The following PDE4D variants were observed in gnomAD, a reference collection of about 807,000 sequenced individuals.
PDE4D encodes the protein 3',5'-cyclic-AMP phosphodiesterase 4D.
Under a neutral mutation model 87.4 loss-of-function variants are expected in PDE4D, and 24 were observed. The ratio of observed to expected loss-of-function variants is 0.27; its 90% CI spans 0.20 to 0.39. PDE4D has a LOEUF of 0.39. Ranked by LOEUF, PDE4D falls within the 10% of genes least tolerant of loss-of-function variation. The pLI is 1.00. For synonymous variants in PDE4D, 384 were observed against 383.2 expected, an observed-to-expected ratio of 1.00 and a Z score of -0.02; for missense variants, 714 against 1,041.0, an observed-to-expected ratio of 0.69 and a Z score of 4.32.
At chr5:59,800,582 A>G (rs987103722) in intron 1 of PDE4D, among the ~76,000 whole-genome samples, 3 of 152,166 alleles carry the variant, frequency 2.0e-5, no homozygotes, top group African/African-American at 7.2e-5. Flanking sequence ...AAATACAATC[A>G]GTATGAGGAC....
chr5:59,881,566 G>C (rs182453410), intron 1 of PDE4D, among the ~76,000 whole-genome samples: 6 of 152,066 alleles, frequency 3.9e-5, no homozygotes, highest in African/African-American at 1.2e-4. Flanking sequence ...CATGGTAAAG[G>C]TTGTCTGAAT....
chr5:60,152,070 C>T (rs959204368), intron 2 of PDE4D, among the ~76,000 whole-genome samples: 1 of 152,148 alleles, frequency 6.6e-6, no homozygotes, highest in Non-Finnish European at 1.5e-5. Context: ...GCATGCTGAA[C>T]CATCTTTGCA....
Position 60,316,640 on chromosome 5 carries a change from T to G in PDE4D, c.-89-130953A>C, listed in dbSNP as rs546767296. On this transcript the variant is annotated intron_variant, in intron 1 of 16. Coordinates refer to the PDE4D transcript ENST00000502484. ...GCTGTGGGTTTGTCATAGATAGCTC[T>G]TATTATTTTGAGATACGTCCCATCA... Among the ~76,000 whole-genome samples the G allele has an allele frequency of 7.7e-3, 1,168 of 152,346 alleles. 6 individuals are homozygous for G. The highest frequency in any genetic ancestry group is 0.027 in the Middle Eastern group (8 of 294).
At chr5:59,843,225 T>C (rs1461874075) in intron 1 of PDE4D, among the ~76,000 whole-genome samples, 1 of 152,062 alleles carries the variant, frequency 6.6e-6, no homozygotes, top group Admixed American at 6.6e-5. Flanking sequence ...AATCTAATTT[T>C]AAAATACGTA....
At chr5:59,762,227 CAT>C (rs1193674957) in intron 1 of PDE4D, among the ~76,000 whole-genome samples, 29 of 141,722 alleles carry the variant, frequency 2.0e-4, no homozygotes, top group African/African-American at 5.9e-4. Context: ...TATGGGTACA[CAT>C]ATGCGTATAT....
intron 5 of PDE4D, among the ~76,000 whole-genome samples, chr5:59,081,107 G>C (rs150237963): frequency 6.6e-5 from 10 of 152,240 alleles, no homozygotes; most frequent in African/African-American, 2.4e-4. Context: ...AGAGCATAGA[G>C]TCCTGCTATC....
At chr5:59,877,579 C>T (rs780945641) in intron 1 of PDE4D, among the ~76,000 whole-genome samples, 2 of 151,126 alleles carry the variant, frequency 1.3e-5, no homozygotes, top group South Asian at 2.1e-4. Context: ...CTTTGGGAGG[C>T]GGAGCTTGAG....
chr5:58,978,010 C>T (rs931013531), intron 11 of PDE4D, among the ~76,000 whole-genome samples: 4 of 152,142 alleles, frequency 2.6e-5, no homozygotes, highest in Non-Finnish European at 4.4e-5. Context: ...GGTGAAGATT[C>T]TGCCACTCTC....
chr5:60,335,746 C>T (rs978296687), intron 1 of PDE4D, among the ~76,000 whole-genome samples: 3 of 151,846 alleles, frequency 2.0e-5, no homozygotes, highest in Non-Finnish European at 4.4e-5. Context: ...ATGTGGGGCA[C>T]GAGTGGATGA....
At position 59,808,046 on chromosome 5, in the gene PDE4D, A is replaced by C. The variant is rs79426083; in HGVS notation, c.455+85122T>G. On this transcript the variant is annotated intron_variant, in intron 1 of 14. Transcript: ENST00000340635. ...CTGTCATTTTTTAAATGCTGAGTCCATGTGTCAACAAAGTAGCGTTGAATA... is the reference window on the plus strand; with the variant it reads ...CTGTCATTTTTTAAATGCTGAGTCCCTGTGTCAACAAAGTAGCGTTGAATA... Among the ~76,000 whole-genome samples, 15 of 152,320 alleles carry C rather than the reference A, an allele frequency of 9.8e-5. No homozygotes were observed. The East Asian group carries it at 2.7e-3, about 27-fold the overall frequency.
intron 2 of PDE4D, among the ~76,000 whole-genome samples, chr5:59,996,861 A>G (rs1034105400): frequency 6.6e-6 from 1 of 152,184 alleles, no homozygotes; most frequent in African/African-American, 2.4e-5. Flanking sequence ...TAACACAAAG[A>G]TAACAGATAG....
At chr5:59,035,809 G>A (rs1758410500) in intron 6 of PDE4D, among the ~76,000 whole-genome samples, 1 of 152,162 alleles carries the variant, frequency 6.6e-6, no homozygotes. Flanking sequence ...TTGTAGCAAT[G>A]AGGTTCCAAA....
chr5:59,076,117 C>T (rs1342665992), intron 5 of PDE4D, among the ~76,000 whole-genome samples: 1 of 152,164 alleles, frequency 6.6e-6, no homozygotes, highest in Non-Finnish European at 1.5e-5. Flanking sequence ...AGCCAGAATC[C>T]TTTGGCCCAC....
At chr5:60,072,278 GT>G (rs1241609344) in intron 2 of PDE4D, among the ~76,000 whole-genome samples, 1 of 152,064 alleles carries the variant, frequency 6.6e-6, no homozygotes, top group Non-Finnish European at 1.5e-5. Context: ...GTGATACTGA[GT>G]TTTTTTCATA....
intron 1 of PDE4D, among the ~76,000 whole-genome samples, chr5:59,589,161 G>A (rs1034516635): frequency 5.9e-5 from 9 of 152,094 alleles, no homozygotes; most frequent in Admixed American, 3.9e-4. Context: ...AATATCTAGT[G>A]AGTCACTATC....
chr5:60,164,956 G>A (rs192905149), intron 2 of PDE4D, among the ~76,000 whole-genome samples: 1 of 152,164 alleles, frequency 6.6e-6, no homozygotes, highest in African/African-American at 2.4e-5. Flanking sequence ...GCCATTAACT[G>A]TAGTCACCAT....
chr5:58,990,488 C>G lies in PDE4D; in HGVS notation c.1287+316G>C, dbSNP rs183904101. On this transcript the variant is annotated intron_variant, in intron 9 of 14. Coordinates refer to ENST00000340635, the MANE Select transcript of PDE4D (RefSeq NM_001104631.2). ...TATTCATTTTTTTTAAGTTAGTACT[C>G]CATTCTCTATGCAGTCAGGTTCAGA... is the stretch of plus-strand genomic sequence containing the variant. 5.3e-5 allele frequency among the ~76,000 whole-genome samples: 8 copies of G among 152,100 alleles called. No individual in the cohort carries two copies. The East Asian group carries it at 1.6e-3, about 29-fold the overall frequency.
chr5:59,878,559 C>T (rs1365170600), intron 1 of PDE4D, among the ~76,000 whole-genome samples: 1 of 152,156 alleles, frequency 6.6e-6, no homozygotes, highest in Non-Finnish European at 1.5e-5. Flanking sequence ...GCAATTCGCC[C>T]ACCTCGGCCT....
intron 1 of PDE4D, among the ~76,000 whole-genome samples, chr5:60,464,707 C>T (rs912828649): frequency 3.3e-5 from 5 of 152,140 alleles, no homozygotes; most frequent in African/African-American, 1.2e-4. Context: ...GGTGCCTCCT[C>T]GCCAAGAGAG....
Sources: allele counts gnomAD v4.1 joint callset (sites outside exome capture counted in the v4.1 genomes callset), GRCh38; gene constraint gnomAD v4.1.1; transcripts MANE v1.5; gene names NCBI Gene and HGNC (gene_info 2026-07-23, HGNC 2026-07-21).